The following KCNH5 variants were observed in gnomAD, a reference collection of about 807,000 sequenced individuals.
KCNH5 encodes the protein potassium voltage-gated channel subfamily H member 5.
Under a neutral mutation model 96.1 loss-of-function variants are expected in KCNH5, and 46 were observed. The observed-to-expected ratio is 0.48, with a 90% CI of 0.38 to 0.61. The LOEUF (loss-of-function observed/expected upper bound fraction) is 0.61, where lower values mean the gene tolerates loss of function less well. Among genes scored for constraint, KCNH5 ranks in the 20% least tolerant of loss-of-function variants. The pLI, the probability that KCNH5 is intolerant of heterozygous loss-of-function variation, is 0.00. For missense variants in KCNH5, 907 were observed against 1,225.8 expected (o/e 0.74, Z 3.88); for synonymous variants, 439 against 449.8 (o/e 0.98, Z 0.30).
At chr14:62,799,792 T>C (rs1422137798) in intron 9 of KCNH5, among the ~76,000 whole-genome samples, 1 of 138,544 alleles carries the variant, frequency 7.2e-6, no homozygotes, top group Non-Finnish European at 1.5e-5. Flanking sequence ...ATATATTTAA[T>C]ATATTATATA....
intron 5 of KCNH5, among the ~76,000 whole-genome samples, chr14:62,981,837 G>A (rs1226241021): frequency 1.3e-5 from 2 of 152,092 alleles, no homozygotes; most frequent in Non-Finnish European, 2.9e-5. Context: ...TGTGTTTCTT[G>A]CCCAACTGCA....
intron 5 of KCNH5, among the ~76,000 whole-genome samples, chr14:62,986,172 C>T (rs753256024): frequency 4.2e-4 from 64 of 152,126 alleles, no homozygotes; most frequent in Non-Finnish European, 7.6e-4. Flanking sequence ...AGCCACTAGG[C>T]CAAGCAGGAG....
At chr14:62,757,049 A>C (rs1885639105) in intron 10 of KCNH5, among the ~76,000 whole-genome samples, 1 of 152,182 alleles carries the variant, frequency 6.6e-6, no homozygotes, top group Admixed American at 6.5e-5. Context: ...CACATCTAAC[A>C]AGGGATTAAT....
chr14:62,894,081 G>A (rs1162597656), intron 7 of KCNH5, among the ~76,000 whole-genome samples: 1 of 152,148 alleles, frequency 6.6e-6, no homozygotes, highest in African/African-American at 2.4e-5. Context: ...ATTAAGGTAT[G>A]AACATTGTTT....
intron 10 of KCNH5, among the ~76,000 whole-genome samples, chr14:62,765,655 A>G (rs1595612576): frequency 2.0e-5 from 3 of 152,254 alleles, no homozygotes; most frequent in Admixed American, 1.3e-4. Context: ...TCTAAAAGGA[A>G]CTTACACAAA....
chr14:62,785,199 A>G (rs938299954), intron 9 of KCNH5, among the ~76,000 whole-genome samples: 4 of 152,200 alleles, frequency 2.6e-5, no homozygotes, highest in African/African-American at 9.6e-5. Context: ...GACTATGGTC[A>G]TCTTTTAAAA....
At chr14:62,878,998 G>T (rs972545676) in intron 7 of KCNH5, among the ~76,000 whole-genome samples, 2 of 151,984 alleles carry the variant, frequency 1.3e-5, no homozygotes, top group South Asian at 4.1e-4. Flanking sequence ...TGAGGTACTG[G>T]GAACTTCGAT....
chr14:62,885,968 C>T (rs4270090), intron 7 of KCNH5, among the ~76,000 whole-genome samples: 17,326 of 152,042 alleles, frequency 0.11, 1,227 homozygotes, highest in East Asian at 0.28. Flanking sequence ...TATTTATAGC[C>T]CCAAATCCCA....
At chr14:62,882,752 T>C (rs1159561600) in intron 7 of KCNH5, among the ~76,000 whole-genome samples, 2 of 152,198 alleles carry the variant, frequency 1.3e-5, no homozygotes, top group Admixed American at 6.5e-5. Flanking sequence ...TAGATTTTAA[T>C]TGAGGAACAT....
intron 7 of KCNH5, among the ~76,000 whole-genome samples, chr14:62,900,270 G>A (rs966079069): frequency 3.3e-5 from 5 of 152,114 alleles, no homozygotes; most frequent in East Asian, 1.9e-4. Flanking sequence ...ATTATGTAAC[G>A]GATACTATAA....
intron 7 of KCNH5, among the ~76,000 whole-genome samples, chr14:62,856,975 T>C (rs1371116526): frequency 1.3e-5 from 2 of 152,164 alleles, no homozygotes; most frequent in East Asian, 3.8e-4. Context: ...GAATCACTAT[T>C]TGAATGAACT....
chr14:62,845,767 TAGG>T (rs1285815271), intron 8 of KCNH5, among the ~76,000 whole-genome samples: 6 of 152,330 alleles, frequency 3.9e-5, no homozygotes, highest in Middle Eastern at 3.4e-3. Flanking sequence ...AACAGGTTTT[TAGG>T]AGATGATTGG....
chr14:62,869,554 T>C (rs1888208279), intron 7 of KCNH5, among the ~76,000 whole-genome samples: 1 of 152,198 alleles, frequency 6.6e-6, no homozygotes, highest in South Asian at 2.1e-4. Context: ...TTGTCAATTT[T>C]GGCTTTTGTT....
intron 10 of KCNH5, among the ~76,000 whole-genome samples, chr14:62,765,587 A>T (rs768677921): frequency 6.6e-6 from 1 of 152,228 alleles, no homozygotes; most frequent in South Asian, 2.1e-4. Context: ...CAGACAACGT[A>T]CATAATGAGA....
chr14:62,822,780 C>G (rs1168677721), intron 8 of KCNH5, among the ~76,000 whole-genome samples: 1 of 151,848 alleles, frequency 6.6e-6, no homozygotes, highest in Non-Finnish European at 1.5e-5. Flanking sequence ...TTTTATCGAT[C>G]ATTTTCATAG....
At chr14:62,985,307 A>T (rs934069339) in intron 5 of KCNH5, among the ~76,000 whole-genome samples, 1 of 152,150 alleles carries the variant, frequency 6.6e-6, no homozygotes, top group Admixed American at 6.6e-5. Flanking sequence ...AGAGCAGAAA[A>T]CCAAAAGTCT....
At chr14:62,884,365 C>T (rs750458170) in intron 7 of KCNH5, among the ~76,000 whole-genome samples, 2 of 152,160 alleles carry the variant, frequency 1.3e-5, no homozygotes, top group Non-Finnish European at 2.9e-5. Flanking sequence ...TGGTTCACAC[C>T]TGTAATCCCA....
intron 4 of KCNH5, among the ~76,000 whole-genome samples, chr14:62,995,061 C>G (rs954693929): frequency 6.6e-6 from 1 of 151,972 alleles, no homozygotes; most frequent in Admixed American, 6.6e-5. Context: ...TAGTTGGCTG[C>G]CATCACATGT....
chr14:62,774,962 A>C (rs1351878819), intron 10 of KCNH5, among the ~76,000 whole-genome samples: 1 of 152,212 alleles, frequency 6.6e-6, no homozygotes, highest in South Asian at 2.1e-4. Context: ...GTAGGATTGC[A>C]AAGGAAACAT....
Sources: gnomAD v4.1 joint callset for allele counts (sites outside exome capture counted in the v4.1 genomes callset) on GRCh38, gnomAD v4.1.1 for gene constraint, MANE v1.5 for transcripts, NCBI Gene and HGNC (gene_info 2026-07-23, HGNC 2026-07-21) for gene names.